The following RORA variants were observed in gnomAD, a reference collection of about 807,000 sequenced individuals.
The protein encoded by RORA is nuclear receptor ROR-alpha.
Under a neutral mutation model 69.5 loss-of-function variants are expected in RORA, and 7 were observed. The observed-to-expected ratio is 0.10, with a 90% CI of 0.06 to 0.19. RORA has a LOEUF of 0.19. Among genes scored for constraint, RORA ranks in the 10% least tolerant of loss-of-function variants. RORA has a pLI of 1.00. For synonymous variants in RORA, 261 were observed against 240.8 expected (o/e 1.08, Z -0.78); for missense variants, 457 against 663.0 (o/e 0.69, Z 3.41).
intron 1 of RORA, among the ~76,000 whole-genome samples, chr15:60,982,288 T>G (rs1894066140): frequency 6.6e-6 from 1 of 152,188 alleles, no homozygotes; most frequent in Non-Finnish European, 1.5e-5. Flanking sequence ...GCATTTTTCC[T>G]GAGTGTGTGC....
chr15:60,838,593 A>G (rs341400), intron 1 of RORA, among the ~76,000 whole-genome samples: 133,599 of 152,174 alleles, frequency 0.88, 59,685 homozygotes, highest in East Asian at 0.96. Context: ...GGCAGAAGCC[A>G]CAGTAGGTTC....
chr15:60,777,823 G>C (rs979344882), intron 1 of RORA, among the ~76,000 whole-genome samples: 2 of 152,120 alleles, frequency 1.3e-5, no homozygotes, highest in Non-Finnish European at 2.9e-5. Flanking sequence ...GTCGAGGAGC[G>C]TATTGAACTG....
chr15:61,027,379 G>C (rs565704715), intron 1 of RORA, among the ~76,000 whole-genome samples: 88 of 152,304 alleles, frequency 5.8e-4, no homozygotes, highest in Non-Finnish European at 1.0e-3. Context: ...AGAAGAAGTA[G>C]AAGAAATGAA....
chr15:60,759,882 C>T (rs1006287112), intron 1 of RORA, among the ~76,000 whole-genome samples: 1 of 152,134 alleles, frequency 6.6e-6, no homozygotes, highest in Non-Finnish European at 1.5e-5. Flanking sequence ...ATCCTATTTT[C>T]CCCCATTGAG....
chr15:60,654,434 C>T (rs1286233917), intron 2 of RORA, among the ~76,000 whole-genome samples: 1 of 152,138 alleles, frequency 6.6e-6, no homozygotes, highest in East Asian at 1.9e-4. Context: ...CAAACAGAAA[C>T]CCATCCCACT....
chr15:60,927,984 T>C (rs1892265828), intron 1 of RORA, among the ~76,000 whole-genome samples: 1 of 152,170 alleles, frequency 6.6e-6, no homozygotes, highest in Non-Finnish European at 1.5e-5. Flanking sequence ...CTCACAGCCA[T>C]GCCCTTGTTT....
At chr15:60,502,560 C>T (rs1869488) in intron 8 of RORA, among the ~76,000 whole-genome samples, 200 bp downstream of exon 8, 113,315 of 152,188 alleles carry the variant, frequency 0.74, 43,398 homozygotes, top group East Asian at 0.95. Flanking sequence ...AACTCTACAT[C>T]TTTACAAGTA....
chr15:61,218,686 A>ACACACG (rs2080065109), intron 1 of RORA, among the ~76,000 whole-genome samples: 1 of 150,958 alleles, frequency 6.6e-6, no homozygotes, highest in Non-Finnish European at 1.5e-5. Flanking sequence ...ACACACACAC[A>ACACACG]CACACACACA....
chr15:61,057,671 C>T (rs1467674268), intron 1 of RORA, among the ~76,000 whole-genome samples: 6 of 152,168 alleles, frequency 3.9e-5, no homozygotes, highest in Admixed American at 3.3e-4. Flanking sequence ...TTGTCTCTTT[C>T]GTTTCTCCTC....
At chr15:60,887,938 C>A (rs547356756) in intron 1 of RORA, among the ~76,000 whole-genome samples, 1 of 152,358 alleles carries the variant, frequency 6.6e-6, no homozygotes, top group Non-Finnish European at 1.5e-5. Context: ...TAAGAAGCAG[C>A]AGGCTAATAA....
intron 1 of RORA, among the ~76,000 whole-genome samples, chr15:60,753,201 C>T (rs2071751928): frequency 6.6e-6 from 1 of 152,208 alleles, no homozygotes; most frequent in Admixed American, 6.5e-5. Flanking sequence ...TTAAGTCCTA[C>T]TCGCAGTTTA....
chr15:60,825,283 C>T (rs2072941668), intron 1 of RORA, among the ~76,000 whole-genome samples: 1 of 152,174 alleles, frequency 6.6e-6, no homozygotes, highest in African/African-American at 2.4e-5. Flanking sequence ...TATGTTCACA[C>T]CACCCAAGCA....
intron 1 of RORA, among the ~76,000 whole-genome samples, chr15:60,812,948 G>A (rs1245278572): frequency 1.3e-5 from 2 of 152,178 alleles, no homozygotes; most frequent in African/African-American, 4.8e-5. Flanking sequence ...CCAAGGCAAC[G>A]GGACTGTGCT....
intron 1 of RORA, among the ~76,000 whole-genome samples, chr15:61,086,106 C>G (rs1484761441): frequency 6.6e-6 from 1 of 152,208 alleles, no homozygotes; most frequent in Admixed American, 6.5e-5. Context: ...TCATGCAGAC[C>G]TTCAGATATT....
chr15:60,724,588 G>A (rs1020354802), intron 1 of RORA, among the ~76,000 whole-genome samples: 3 of 152,178 alleles, frequency 2.0e-5, no homozygotes, highest in Admixed American at 6.5e-5. Context: ...CTCCGATGCT[G>A]TGTCCTACCT....
chr15:60,731,045 T>C (rs1203850234), intron 1 of RORA, among the ~76,000 whole-genome samples: 1 of 152,168 alleles, frequency 6.6e-6, no homozygotes, highest in East Asian at 1.9e-4. Context: ...AATCTTCTCC[T>C]TCCTCCCACC....
chr15:60,811,212 G>C (rs892089318), intron 1 of RORA, among the ~76,000 whole-genome samples: 1 of 152,156 alleles, frequency 6.6e-6, no homozygotes, highest in African/African-American at 2.4e-5. Flanking sequence ...GTGAATCTAG[G>C]ATAAAATTGC....
At chr15:60,880,011 A>G (rs376559318) in intron 1 of RORA, among the ~76,000 whole-genome samples, 1,747 of 152,298 alleles carry the variant, frequency 0.011, 22 homozygotes, top group Non-Finnish European at 0.019. Context: ...CATGCTTTGA[A>G]GAAGTAATCT....
intron 1 of RORA, among the ~76,000 whole-genome samples, chr15:60,948,452 C>T (rs1437970641): frequency 6.6e-6 from 1 of 152,186 alleles, no homozygotes; most frequent in Non-Finnish European, 1.5e-5. Context: ...TTCATTTCCT[C>T]AGTCACTCAA....
Sources: gnomAD v4.1 joint callset for allele counts (sites outside exome capture counted in the v4.1 genomes callset) on GRCh38, gnomAD v4.1.1 for gene constraint, MANE v1.5 for transcripts, NCBI Gene and HGNC (gene_info 2026-07-23, HGNC 2026-07-21) for gene names.